Variants in KCNIP4 observed in about 807,000 individuals in gnomAD.
KCNIP4 encodes Kv channel-interacting protein 4.
A neutral mutation model predicts 34.0 loss-of-function variants in KCNIP4; 12 were observed. The observed-to-expected ratio is 0.35, with a 90% CI of 0.23 to 0.57. The LOEUF is 0.57. Among genes scored for constraint, KCNIP4 ranks in the 20% least tolerant of loss-of-function variants. KCNIP4 has a pLI of 0.83. For synonymous variants in KCNIP4, 124 were observed against 102.2 expected, an observed-to-expected ratio of 1.21 and a Z score of -1.29; for missense variants, 238 against 311.7, an observed-to-expected ratio of 0.76 and a Z score of 1.78.
intron 1 of KCNIP4, among the ~76,000 whole-genome samples, chr4:21,715,093 A>ATTTGTTAG (rs1714242469): frequency 7.6e-6 from 1 of 130,948 alleles, no homozygotes; most frequent in African/African-American, 3.0e-5. Flanking sequence ...TATTTTATTT[A>ATTTGTTAG]TTTTTGAGAT....
chr4:21,780,596 G>A (rs549650912), intron 1 of KCNIP4, among the ~76,000 whole-genome samples: 27 of 152,278 alleles, frequency 1.8e-4, no homozygotes, highest in Non-Finnish European at 2.6e-4. Flanking sequence ...AGACTGCCCA[G>A]GCTGCTCCAA....
chr4:20,794,657 T>C (rs1247798670), intron 3 of KCNIP4, among the ~76,000 whole-genome samples: 2 of 152,202 alleles, frequency 1.3e-5, no homozygotes, highest in Non-Finnish European at 2.9e-5. Flanking sequence ...GATTTATCAT[T>C]GGGAATAACA....
At chr4:21,283,723 C>T (rs1044845085) in intron 1 of KCNIP4, among the ~76,000 whole-genome samples, 1 of 150,394 alleles carries the variant, frequency 6.6e-6, no homozygotes, top group African/African-American at 2.5e-5. Flanking sequence ...ATGGGTGCAG[C>T]ACACAAACAT....
intron 1 of KCNIP4, among the ~76,000 whole-genome samples, chr4:20,909,258 C>A (rs572017533): frequency 1.7e-4 from 26 of 152,216 alleles, no homozygotes; most frequent in African/African-American, 6.0e-4. Context: ...TGTTTTTCTG[C>A]TTTCTTCACT....
chr4:21,919,121 G>A (rs1171139830), intron 1 of KCNIP4, among the ~76,000 whole-genome samples: 2 of 152,154 alleles, frequency 1.3e-5, no homozygotes, highest in East Asian at 1.9e-4. Context: ...CCACTGTCAC[G>A]GTAGAGAGTT....
intron 1 of KCNIP4, among the ~76,000 whole-genome samples, chr4:21,472,080 A>C (rs959709627): frequency 6.6e-6 from 1 of 152,164 alleles, no homozygotes; most frequent in South Asian, 2.1e-4. Flanking sequence ...CCTTGAAGTT[A>C]ACCAGAAATT....
chr4:21,698,613 C>T (rs910950643), intron 1 of KCNIP4, among the ~76,000 whole-genome samples: 7 of 152,038 alleles, frequency 4.6e-5, no homozygotes, highest in Admixed American at 3.3e-4. Context: ...AGGCAGTTTT[C>T]GGGATTTGTC....
intron 1 of KCNIP4, among the ~76,000 whole-genome samples, chr4:20,937,958 G>T (rs989255888): frequency 6.6e-6 from 1 of 152,062 alleles, no homozygotes; most frequent in African/African-American, 2.4e-5. Context: ...TCCCTTGAAA[G>T]TACTATACAA....
At chr4:20,835,908 C>A (rs906732976) in intron 3 of KCNIP4, among the ~76,000 whole-genome samples, 1 of 152,120 alleles carries the variant, frequency 6.6e-6, no homozygotes, top group Admixed American at 6.6e-5. Context: ...CAAATTCTGT[C>A]ATTTTTATTT....
At chr4:21,653,103 A>C (rs533092255) in intron 1 of KCNIP4, among the ~76,000 whole-genome samples, 76 of 152,340 alleles carry the variant, frequency 5.0e-4, no homozygotes, top group African/African-American at 1.8e-3. Context: ...CCTTTAGGCA[A>C]ATACTCACAT....
chr4:20,799,287 G>T (rs1713905069), intron 3 of KCNIP4, among the ~76,000 whole-genome samples: 1 of 152,160 alleles, frequency 6.6e-6, no homozygotes, highest in Non-Finnish European at 1.5e-5. Flanking sequence ...TAGCACCACA[G>T]GTGAGGCAGC....
At chr4:21,756,201 A>T (rs1717508474) in intron 1 of KCNIP4, among the ~76,000 whole-genome samples, 1 of 152,080 alleles carries the variant, frequency 6.6e-6, no homozygotes, top group African/African-American at 2.4e-5. Flanking sequence ...AGATCTTTAG[A>T]TGGTTTTAGT....
intron 3 of KCNIP4, among the ~76,000 whole-genome samples, chr4:20,803,470 CAAAAAAAAAAAAAAAA>C (rs551176038): frequency 3.6e-4 from 31 of 85,890 alleles, no homozygotes; most frequent in African/African-American, 4.6e-4. Flanking sequence ...TCATCTTTAC[CAAAAAAAAAAAAAAAA>C]AAAAAAAAAA....
chr4:21,659,143 T>G (rs1445390656), intron 1 of KCNIP4, among the ~76,000 whole-genome samples: 1 of 152,214 alleles, frequency 6.6e-6, no homozygotes, highest in African/African-American at 2.4e-5. Context: ...TCTGTGTACA[T>G]TATGTCATTT....
intron 1 of KCNIP4, among the ~76,000 whole-genome samples, chr4:21,005,123 C>G (rs1463637151): frequency 6.6e-6 from 1 of 152,098 alleles, no homozygotes; most frequent in Non-Finnish European, 1.5e-5. Flanking sequence ...ATATGACAGG[C>G]CAGAGGTTCC....
intron 1 of KCNIP4, among the ~76,000 whole-genome samples, chr4:21,785,093 G>C (rs895211802): frequency 9.2e-5 from 14 of 152,106 alleles, no homozygotes; most frequent in African/African-American, 3.4e-4. Flanking sequence ...GGTCCATTAA[G>C]AATAGCGGTT....
chr4:21,376,942 G>A (rs982743182), intron 1 of KCNIP4, among the ~76,000 whole-genome samples: 2 of 152,168 alleles, frequency 1.3e-5, no homozygotes, highest in African/African-American at 2.4e-5. Flanking sequence ...TTGTGTCTGA[G>A]TAAAGATGGA....
intron 3 of KCNIP4, among the ~76,000 whole-genome samples, chr4:20,787,850 G>T (rs1712207085): frequency 6.6e-6 from 1 of 151,804 alleles, no homozygotes; most frequent in Admixed American, 6.6e-5. Flanking sequence ...TCTTTTTAAA[G>T]CAACCATGTC....
chr4:21,745,917 C>G (rs1276785951), intron 1 of KCNIP4, among the ~76,000 whole-genome samples: 1 of 152,240 alleles, frequency 6.6e-6, no homozygotes, highest in Admixed American at 6.5e-5. Flanking sequence ...TTTTTGTTTG[C>G]TATGATGCCA....
Sources: gnomAD v4.1 joint callset for allele counts (sites outside exome capture counted in the v4.1 genomes callset) on GRCh38, gnomAD v4.1.1 for gene constraint, MANE v1.5 for transcripts, NCBI Gene and HGNC (gene_info 2026-07-23, HGNC 2026-07-21) for gene names.